Variants in CAB39 observed in about 807,000 individuals in gnomAD.
CAB39 encodes calcium-binding protein 39.
CAB39 carries 8 observed loss-of-function variants against 40.0 expected under a neutral mutation model. That is an observed-to-expected ratio of 0.20 (90% CI 0.12 to 0.36). The LOEUF is 0.36. Ranked by LOEUF, CAB39 falls within the 10% of genes least tolerant of loss-of-function variation. The probability of loss-of-function intolerance (pLI) is 1.00; values close to 1 mark genes in which losing one functional copy is unlikely to be tolerated. For synonymous variants in CAB39, 156 were observed against 141.6 expected (o/e 1.10, Z -0.72); for missense variants, 270 against 401.1 (o/e 0.67, Z 2.79).
chr2:230,769,542 G>C (rs1695446919), intron 2 of CAB39, among the ~76,000 whole-genome samples: 2 of 152,132 alleles, frequency 1.3e-5, no homozygotes, highest in Non-Finnish European at 2.9e-5. Flanking sequence ...CATTTTAAAG[G>C]ATAAAGTTAT....
At chr2:230,805,022 AT>A (rs751188079) in intron 5 of CAB39, among the ~76,000 whole-genome samples, 4 of 152,214 alleles carry the variant, frequency 2.6e-5, no homozygotes, top group Non-Finnish European at 5.9e-5. Context: ...GACAGACTGG[AT>A]TGAGAAAATG....
intron 5 of CAB39, among the ~76,000 whole-genome samples, chr2:230,808,090 T>G (rs1266870148): frequency 6.6e-6 from 1 of 151,284 alleles, no homozygotes; most frequent in Non-Finnish European, 1.5e-5. Context: ...TTTTTTTTAA[T>G]TTTTTTTATT....
intron 1 of CAB39, among the ~76,000 whole-genome samples, chr2:230,753,572 G>T (rs1695127673): frequency 6.6e-6 from 1 of 152,000 alleles, no homozygotes; most frequent in African/African-American, 2.4e-5. Context: ...GGCCAACATG[G>T]TGAAACCCCG....
chr2:230,777,499 A>C (rs1575939749), intron 2 of CAB39, among the ~76,000 whole-genome samples: 1 of 151,018 alleles, frequency 6.6e-6, no homozygotes, highest in African/African-American at 2.4e-5. Flanking sequence ...AGCTCACTGC[A>C]ACTTCTGCCT....
intron 1 of CAB39, among the ~76,000 whole-genome samples, chr2:230,756,608 G>T (rs1695194529): frequency 6.6e-6 from 1 of 152,072 alleles, no homozygotes; most frequent in Non-Finnish European, 1.5e-5. Context: ...AATGATTTTT[G>T]AGAATTATTA....
intron 1 of CAB39, among the ~76,000 whole-genome samples, chr2:230,732,120 C>T (rs944399229): frequency 1.3e-5 from 2 of 151,910 alleles, no homozygotes; most frequent in East Asian, 3.9e-4. Flanking sequence ...GTCTCACTCT[C>T]ACCCAAGCTG....
chr2:230,747,759 T>C (rs1189705287), intron 1 of CAB39, among the ~76,000 whole-genome samples: 2 of 152,234 alleles, frequency 1.3e-5, no homozygotes, highest in Non-Finnish European at 2.9e-5. Flanking sequence ...TATATAAGTG[T>C]ATACACATAG....
intron 1 of CAB39, among the ~76,000 whole-genome samples, chr2:230,722,115 C>CA (rs1382403557): frequency 6.6e-6 from 1 of 151,368 alleles, no homozygotes. Flanking sequence ...AACACATACA[C>CA]ACACTCTCAA....
At chr2:230,783,053 C>T (rs918034650) in intron 2 of CAB39, among the ~76,000 whole-genome samples, 1 of 152,094 alleles carries the variant, frequency 6.6e-6, no homozygotes, top group African/African-American at 2.4e-5. Flanking sequence ...TGGTCTCGAT[C>T]TCCTGACCTC....
intron 1 of CAB39, among the ~76,000 whole-genome samples, chr2:230,726,900 A>G (rs1327964756): frequency 6.7e-6 from 1 of 148,348 alleles, no homozygotes; most frequent in Admixed American, 6.8e-5. Flanking sequence ...TGAAAGGAAG[A>G]CAGGAATCAG....
chr2:230,720,157 G>A (rs1266561559), intron 1 of CAB39, among the ~76,000 whole-genome samples: 1 of 152,186 alleles, frequency 6.6e-6, no homozygotes, highest in East Asian at 1.9e-4. Context: ...AAAGTTGGGC[G>A]AGTTGTGTGT....
chr2:230,817,672 G>A, intron 7 of CAB39, 82 bp from the exon 8 acceptor site: 8 of 1,110,064 alleles, frequency 7.2e-6, no homozygotes, highest in Non-Finnish European at 1.0e-5. Context: ...TATACTTGAT[G>A]ATTATAAAAT....
chr2:230,743,916 CTTTT>C (rs1184035557), intron 1 of CAB39, among the ~76,000 whole-genome samples: 1 of 127,726 alleles, frequency 7.8e-6, no homozygotes, highest in Non-Finnish European at 1.7e-5. Context: ...ATACATGATA[CTTTT>C]TTTTTTTTTT....
intron 5 of CAB39, among the ~76,000 whole-genome samples, chr2:230,803,382 C>T (rs1003850350): frequency 1.3e-5 from 2 of 152,154 alleles, no homozygotes; most frequent in African/African-American, 4.8e-5. Flanking sequence ...TCCTATTCAA[C>T]ATAGTGTTGG....
intron 3 of CAB39, among the ~76,000 whole-genome samples, chr2:230,791,742 C>T (rs1030171374): frequency 2.6e-5 from 4 of 152,186 alleles, no homozygotes; most frequent in African/African-American, 9.7e-5. Flanking sequence ...CTGCCCAGCC[C>T]TGGTAGGCAT....
intron 2 of CAB39, among the ~76,000 whole-genome samples, chr2:230,769,275 C>T (rs1328380632): frequency 6.6e-6 from 1 of 152,180 alleles, no homozygotes; most frequent in African/African-American, 2.4e-5. Flanking sequence ...CCTGATAGAA[C>T]TGCAAGAAGT....
At chr2:230,809,176 A>G (rs1248754046) in intron 5 of CAB39, among the ~76,000 whole-genome samples, 1 of 152,194 alleles carries the variant, frequency 6.6e-6, no homozygotes, top group African/African-American at 2.4e-5. Flanking sequence ...GTGACAAAAG[A>G]GCTCCCTGTG....
chr2:230,755,735 A>G (rs574774793), intron 1 of CAB39, among the ~76,000 whole-genome samples: 7 of 152,318 alleles, frequency 4.6e-5, no homozygotes, highest in African/African-American at 1.7e-4. Context: ...GTGAAAAATT[A>G]TTGAAGACCT....
chr2:230,790,919 G>C lies in CAB39; in HGVS notation c.162G>C (p.Leu54=), dbSNP rs778746206. The C allele has an allele frequency of 7.4e-6, 12 of 1,612,986 alleles. No homozygotes were observed. The highest frequency in any genetic ancestry group is 1.0e-5 in the Non-Finnish European group (12 of 1,179,474). The change falls in exon 3 of 9, where the codon CTG becomes CTC. Residue 54 remains leucine (L), a synonymous_variant. Transcript: ENST00000258418. ...ATCTGGTTGCCATGAAAGAAATTCT[G>C]TATGGCACAAATGAAAAAGAGCCTC... is the stretch of plus-strand genomic sequence containing the variant. ...SKNLVAMKEI[L]YGTNEKEPQT... is the part of the protein sequence containing the mutation.
Sources: allele counts gnomAD v4.1 joint callset (sites outside exome capture counted in the v4.1 genomes callset), GRCh38; gene constraint gnomAD v4.1.1; transcripts MANE v1.5; gene names NCBI Gene and HGNC (gene_info 2026-07-23, HGNC 2026-07-21).